Variants in RTL4 observed in about 807,000 individuals in gnomAD.
RTL4 encodes retrotransposon Gag like 4, also known as retrotransposon Gag-like protein 4.
A neutral mutation model predicts 5.3 loss-of-function variants in RTL4; 4 were observed. The ratio of observed to expected loss-of-function variants is 0.75; its 90% CI spans 0.37 to 1.72. The LOEUF (loss-of-function observed/expected upper bound fraction) is 1.72, where lower values mean the gene tolerates loss of function less well. RTL4 is among the 40% of genes most tolerant of loss of function. The pLI, the probability that RTL4 is intolerant of heterozygous loss-of-function variation, is 0.04. For missense variants in RTL4, 260 were observed against 227.1 expected, an observed-to-expected ratio of 1.14 and a Z score of -0.93; for synonymous variants, 98 against 87.3, an observed-to-expected ratio of 1.12 and a Z score of -0.68.
chrX:112,324,171 A>G, the RTL4 span, among the ~76,000 whole-genome samples: 1 of 112,496 alleles, frequency 8.9e-6, no homozygotes, highest in Non-Finnish European at 1.9e-5. Context: ...TCATATAAAT[A>G]GAATCATACA....
chrX:112,115,872 G>A, the RTL4 span, among the ~76,000 whole-genome samples: 70 of 112,655 alleles, frequency 6.2e-4, no homozygotes, highest in East Asian at 0.018. Flanking sequence ...CAAGGGTCAG[G>A]ATAGGTAGGA....
At chrX:112,276,591 T>C in the RTL4 span, among the ~76,000 whole-genome samples, 4 of 111,978 alleles carry the variant, frequency 3.6e-5, no homozygotes. Flanking sequence ...CTGGATGCAA[T>C]GGTCTTCTCC....
chrX:112,189,938 C>CA, the RTL4 span, among the ~76,000 whole-genome samples: 1,993 of 111,569 alleles, frequency 0.018, 46 homozygotes, highest in African/African-American at 0.061. Context: ...TCAGTTATCT[C>CA]AAAAAACTTT....
the RTL4 span, among the ~76,000 whole-genome samples, chrX:112,212,370 C>T: frequency 2.7e-5 from 3 of 110,784 alleles, no homozygotes; most frequent in African/African-American, 6.6e-5. Context: ...AGCGAGACTC[C>T]GTCTCAAAAA....
the RTL4 span, among the ~76,000 whole-genome samples, chrX:112,310,972 G>C: frequency 9.7e-6 from 1 of 103,507 alleles, no homozygotes; most frequent in Admixed American, 1.2e-4. Flanking sequence ...TCTTGCAGCT[G>C]TCTCTGACCT....
chrX:112,128,081 G>A, the RTL4 span, among the ~76,000 whole-genome samples: 1 of 111,450 alleles, frequency 9.0e-6, no homozygotes, highest in Admixed American at 9.5e-5. Flanking sequence ...AAATGCTTAA[G>A]GATTTACAAG....
the RTL4 span, among the ~76,000 whole-genome samples, chrX:112,229,872 C>T: frequency 8.9e-6 from 1 of 111,852 alleles, no homozygotes. Context: ...ATGCTGCTGC[C>T]TGATCGTTCC....
the RTL4 span, among the ~76,000 whole-genome samples, chrX:112,332,658 A>G: frequency 1.2e-5 from 1 of 85,741 alleles, no homozygotes; most frequent in South Asian, 9.4e-4. Context: ...AGGAAGGGGG[A>G]CATCACACAT....
the RTL4 span, among the ~76,000 whole-genome samples, chrX:112,437,451 A>T: frequency 8.9e-6 from 1 of 111,897 alleles, no homozygotes; most frequent in Non-Finnish European, 1.9e-5. Context: ...TAAATATTTG[A>T]GGTGATGGAT....
chrX:112,393,281 C>T, the RTL4 span, among the ~76,000 whole-genome samples: 2 of 107,397 alleles, frequency 1.9e-5, no homozygotes, highest in African/African-American at 6.8e-5. Flanking sequence ...TCACGCGATT[C>T]TCCTGCCTCA....
chrX:112,445,920 T>C, the RTL4 span, among the ~76,000 whole-genome samples: 1 of 112,410 alleles, frequency 8.9e-6, no homozygotes, highest in Admixed American at 9.4e-5. Context: ...AGCTAGCAAC[T>C]AGCAGAGCTC....
chrX:112,281,609 A>G, the RTL4 span, among the ~76,000 whole-genome samples: 14 of 111,252 alleles, frequency 1.3e-4, no homozygotes, highest in African/African-American at 4.2e-4. Flanking sequence ...TCCCACCAAC[A>G]GTGTGTAAGA....
At chrX:112,268,784 A>C in the RTL4 span, among the ~76,000 whole-genome samples, 1 of 112,345 alleles carries the variant, frequency 8.9e-6, no homozygotes. Context: ...CCTGCTGGGC[A>C]TCACTGCCTG....
chrX:112,183,998 A>T, the RTL4 span, among the ~76,000 whole-genome samples: 2 of 110,778 alleles, frequency 1.8e-5, no homozygotes, highest in Non-Finnish European at 3.8e-5. Context: ...CAGTAATGGG[A>T]TCACTGGCTC....
chrX:112,182,048 G>T, the RTL4 span, among the ~76,000 whole-genome samples: 81 of 111,638 alleles, frequency 7.3e-4, no homozygotes, highest in East Asian at 0.021. Context: ...ACAGGGTCTG[G>T]GGTGGACCTC....
At chrX:112,204,325 CA>C in the RTL4 span, among the ~76,000 whole-genome samples, 1 of 110,917 alleles carries the variant, frequency 9.0e-6, no homozygotes, top group South Asian at 3.7e-4. Context: ...GCTATATACC[CA>C]AAAAAAAGGA....
At chrX:112,450,824 CCAAT>C (rs2147893307), upstream of RTL4, among the ~76,000 whole-genome samples, 1 of 111,808 alleles carries the variant, frequency 8.9e-6, no homozygotes, top group South Asian at 3.8e-4. Context: ...TCTCACATTT[CCAAT>C]CAAAGGACAT....
the RTL4 span, among the ~76,000 whole-genome samples, chrX:112,398,434 C>G: frequency 1.2e-5 from 1 of 83,424 alleles, no homozygotes; most frequent in Non-Finnish European, 2.2e-5. Context: ...GAGTCTCCCT[C>G]TGTCGCCCAG....
At chrX:112,267,295 T>G in the RTL4 span, among the ~76,000 whole-genome samples, 48 of 112,584 alleles carry the variant, frequency 4.3e-4, no homozygotes, top group African/African-American at 1.4e-3. Context: ...TGACCTCCAC[T>G]TTGTTACATT....
Sources: allele counts gnomAD v4.1 joint callset (sites outside exome capture counted in the v4.1 genomes callset), GRCh38; gene constraint gnomAD v4.1.1; transcripts MANE v1.5; gene names NCBI Gene and HGNC (gene_info 2026-07-23, HGNC 2026-07-21).